RECQL: variants seen among roughly 807,000 people sequenced by gnomAD.
RECQL encodes the protein RecQ like helicase, also known as ATP-dependent DNA helicase Q1.
A neutral mutation model predicts 75.8 loss-of-function variants in RECQL; 73 were observed. That is an observed-to-expected ratio of 0.96 (90% CI 0.80 to 1.17). The LOEUF is 1.17. Ranked by LOEUF, RECQL falls within the 50% of genes most tolerant of loss-of-function variation. The probability of loss-of-function intolerance (pLI) is 0.00; values close to 1 mark genes in which losing one functional copy is unlikely to be tolerated. For synonymous variants in RECQL, 248 were observed against 254.4 expected, an observed-to-expected ratio of 0.97 and a Z score of 0.24; for missense variants, 699 against 772.1, an observed-to-expected ratio of 0.91 and a Z score of 1.12.
intron 4 of RECQL, among the ~76,000 whole-genome samples, chr12:21,487,381 A>C (rs1943325961): frequency 6.6e-6 from 1 of 152,170 alleles, no homozygotes. Flanking sequence ...ATTTATGCTG[A>C]GTAGAAATCA....
intron 2 of RECQL, among the ~76,000 whole-genome samples, chr12:21,493,603 A>T (rs975268128): frequency 1.2e-4 from 19 of 152,254 alleles, no homozygotes; most frequent in Non-Finnish European, 1.6e-4. Context: ...TGATAAAGTC[A>T]GCACACTGAC....
chr12:21,477,003 C>G lies in RECQL; in HGVS notation c.868-11G>C. On this transcript the variant is annotated splice_polypyrimidine_tract_variant and intron_variant, in intron 7 of 14. Transcript: ENST00000444129. ...GGGCTTCTGCCGAACCTAAAAAAAACTTAACTTATTAAAAAGTAAATGAAT... is the reference window on the plus strand; with the variant it reads ...GGGCTTCTGCCGAACCTAAAAAAAAGTTAACTTATTAAAAAGTAAATGAAT... The G allele has an allele frequency of 6.3e-7, 1 of 1,593,010 alleles. No individual in the cohort carries two copies. The highest frequency in any genetic ancestry group is 1.1e-5 in the South Asian group (1 of 88,010).
chr12:21,500,937 G>C (rs989379082), intron 1 of RECQL, among the ~76,000 whole-genome samples: 7 of 152,110 alleles, frequency 4.6e-5, no homozygotes, highest in African/African-American at 1.7e-4. Context: ...TCCAGAAATT[G>C]AACTACAGCA....
chr12:21,491,556 A>G lies in RECQL; in HGVS notation c.177T>C (p.Asn59=). ...AAGCGGCAGGTGAAGAATCATATTC[A>G]TTGCTTGCCCCGGCATCAGAATCCT... ...CLEDSDAGAS[N]EYDSSPAAWN... The change falls in exon 3 of 15, where the codon AAT becomes AAC. Residue 59 remains asparagine (N), a synonymous_variant. Coordinates refer to ENST00000444129, the MANE Select transcript of RECQL (RefSeq NM_002907.4). 1 of 1,611,594 alleles carries G rather than the reference A, an allele frequency of 6.2e-7. No individual in the cohort carries two copies. Among genetic ancestry groups the G allele is most frequent in the Non-Finnish European group, 8.5e-7 (1 of 1,179,598 alleles).
intron 10 of RECQL, 122 bp from the exon 11 acceptor site, chr12:21,475,101 G>C: frequency 2.1e-6 from 2 of 962,928 alleles, no homozygotes; most frequent in Non-Finnish European, 3.0e-6. Flanking sequence ...TTAGAGATGT[G>C]GAAGTTAATT....
chr12:21,480,243 T>C (rs1943167120), intron 6 of RECQL, among the ~76,000 whole-genome samples: 1 of 152,120 alleles, frequency 6.6e-6, no homozygotes, highest in African/African-American at 2.4e-5. Flanking sequence ...CAGTAGCTAC[T>C]GGGTAGTTTA....
intron 4 of RECQL, among the ~76,000 whole-genome samples, chr12:21,489,746 A>G (rs976739621): frequency 6.6e-6 from 1 of 152,146 alleles, no homozygotes; most frequent in Non-Finnish European, 1.5e-5. Context: ...GGTTAACAAT[A>G]ATTTAGATAG....
intron 5 of RECQL, among the ~76,000 whole-genome samples, chr12:21,483,810 A>T (rs931740571): frequency 2.6e-5 from 4 of 152,116 alleles, no homozygotes; most frequent in African/African-American, 9.7e-5. Context: ...ACTAAAAAAA[A>T]CTCACTTGAC....
rs150351122 is a variant in RECQL at position 21,472,781 on chromosome 12, C to A, written c.1447+770G>T. On this transcript the variant is annotated intron_variant, in intron 12 of 14. Coordinates refer to ENST00000444129, the MANE Select transcript of RECQL (RefSeq NM_002907.4). ...ACATTTAAAAGAATTTTAAGTAAAT[C>A]TCCGATGACTAGCCATTAACTGGAT... Among the ~76,000 whole-genome samples the A allele has an allele frequency of 4.7e-3, 720 of 152,148 alleles. 4 individuals carry two copies. Among genetic ancestry groups the A allele is most frequent in the Middle Eastern group, 0.027 (8 of 294 alleles).
intron 14 of RECQL, 193 bp from the exon 15 acceptor site, chr12:21,470,539 G>A: frequency 1.1e-6 from 1 of 929,884 alleles, no homozygotes; most frequent in Non-Finnish European, 1.5e-6. Flanking sequence ...GCTACGTTGT[G>A]AGAGAAGTTC....
chr12:21,498,246 G>T (rs1441086291), intron 2 of RECQL, among the ~76,000 whole-genome samples: 1 of 152,220 alleles, frequency 6.6e-6, no homozygotes, highest in Non-Finnish European at 1.5e-5. Flanking sequence ...TGCCAGCTGG[G>T]TATCAGCACT....
intron 3 of RECQL, among the ~76,000 whole-genome samples, chr12:21,491,000 G>A (rs1336926937): frequency 6.6e-6 from 1 of 152,146 alleles, no homozygotes; most frequent in African/African-American, 2.4e-5. Flanking sequence ...CAAATATCAT[G>A]AACAAAGTTA....
At chr12:21,475,000 A>G in intron 10 of RECQL, 21 bp from the exon 11 acceptor site, 1 of 1,602,510 alleles carries the variant, frequency 6.2e-7, no homozygotes, top group South Asian at 1.1e-5. Flanking sequence ...AGAAACCTTG[A>G]GATTGCAGAA....
At chr12:21,496,759 G>C (rs1366891956) in intron 2 of RECQL, among the ~76,000 whole-genome samples, 2 of 152,214 alleles carry the variant, frequency 1.3e-5, no homozygotes. Flanking sequence ...TACTAAGAGA[G>C]CAGCACAGAG....
chr12:21,485,318 G>T (rs2215730), intron 5 of RECQL, among the ~76,000 whole-genome samples: 82,896 of 140,486 alleles, frequency 0.59, 24,018 homozygotes, highest in African/African-American at 0.65. Flanking sequence ...CCTGCATATG[G>T]ACCCCAGAAC....
chr12:21,487,507 C>T (rs1943328301), intron 4 of RECQL, among the ~76,000 whole-genome samples: 1 of 152,154 alleles, frequency 6.6e-6, no homozygotes, highest in African/African-American at 2.4e-5. Flanking sequence ...CTTTACGTTT[C>T]TGTAGTTTGT....
chr12:21,469,402 T>G lies in RECQL; in HGVS notation c.*792A>C, dbSNP rs1266829913. 6.6e-6 allele frequency: 1 copy of G among 151,886 alleles called. No homozygotes were observed. Among genetic ancestry groups the G allele is most frequent in the Non-Finnish European group, 1.5e-5 (1 of 68,054 alleles). 9.4% of individuals were successfully genotyped at this position (151,886 alleles called of 1,614,324 possible). Reference sequence around the variant, plus strand: ...TTTTTTTTTTTAAGCTCATCAGCTATCGTCAGTGTTAGCATATTTTATGTG... The same window carrying G: ...TTTTTTTTTTTAAGCTCATCAGCTAGCGTCAGTGTTAGCATATTTTATGTG... On this transcript the variant is annotated 3_prime_UTR_variant, in exon 15 of 15. Coordinates refer to ENST00000444129, the MANE Select transcript of RECQL (RefSeq NM_002907.4).
chr12:21,484,069 G>A (rs1447448292), intron 5 of RECQL, among the ~76,000 whole-genome samples: 1 of 151,312 alleles, frequency 6.6e-6, no homozygotes, highest in African/African-American at 2.4e-5. Flanking sequence ...AAGACCATGG[G>A]GTTTCACAAA....
intron 13 of RECQL, 65 bp downstream of exon 13, chr12:21,471,363 G>T: frequency 7.0e-7 from 1 of 1,419,610 alleles, no homozygotes; most frequent in Non-Finnish European, 9.6e-7. Flanking sequence ...CGTTTATTCT[G>T]TTGCAATTTT....
Sources: allele counts gnomAD v4.1 joint callset (sites outside exome capture counted in the v4.1 genomes callset), GRCh38; gene constraint gnomAD v4.1.1; transcripts MANE v1.5; gene names NCBI Gene and HGNC (gene_info 2026-07-23, HGNC 2026-07-21).